TRPC6: variants seen among roughly 807,000 people sequenced by gnomAD.
TRPC6 encodes the protein short transient receptor potential channel 6.
A neutral mutation model predicts 90.7 loss-of-function variants in TRPC6; 55 were observed. The observed-to-expected ratio is 0.61, with a 90% CI of 0.49 to 0.76. The LOEUF (loss-of-function observed/expected upper bound fraction) is 0.76. Ranked by LOEUF, TRPC6 falls within the 30% of genes least tolerant of loss-of-function variation. TRPC6 has a pLI of 0.00. For missense variants in TRPC6, 989 were observed against 1,122.7 expected (o/e 0.88, Z 1.70); for synonymous variants, 393 against 393.0 (o/e 1.00, Z 0.00).
intron 1 of TRPC6, among the ~76,000 whole-genome samples, chr11:101,545,442 T>C (rs1379228331): frequency 2.0e-5 from 3 of 152,206 alleles, no homozygotes; most frequent in Admixed American, 2.0e-4. Context: ...CAATCCCCTA[T>C]GGATAGTAAG....
chr11:101,522,158 C>T (rs891167733), intron 1 of TRPC6, among the ~76,000 whole-genome samples: 3 of 152,182 alleles, frequency 2.0e-5, no homozygotes, highest in Admixed American at 6.5e-5. Flanking sequence ...TGTGTCTTCA[C>T]TCAAATCTCA....
chr11:101,540,678 G>A (rs1181789946), intron 1 of TRPC6, among the ~76,000 whole-genome samples: 6 of 152,136 alleles, frequency 3.9e-5, no homozygotes, highest in African/African-American at 1.4e-4. Context: ...TTTCATGTAA[G>A]GAGTCCAGTT....
intron 2 of TRPC6, among the ~76,000 whole-genome samples, chr11:101,502,436 A>G (rs1401732200): frequency 6.6e-6 from 1 of 152,206 alleles, no homozygotes; most frequent in African/African-American, 2.4e-5. Context: ...AAAAAAGAGC[A>G]GGGACTCCAA....
intron 10 of TRPC6, 133 bp downstream of exon 10, chr11:101,469,294 T>C: frequency 1.6e-6 from 1 of 643,020 alleles, no homozygotes; most frequent in South Asian, 1.7e-5. Context: ...ATTGTTGAGA[T>C]TTGTTAAAAT....
chr11:101,580,639 T>C (rs1171653937), intron 1 of TRPC6, among the ~76,000 whole-genome samples: 1 of 152,012 alleles, frequency 6.6e-6, no homozygotes. Context: ...CCCATAAATA[T>C]ATGTAAAAAA....
At chr11:101,538,132 A>ACT (rs1354112895) in intron 1 of TRPC6, among the ~76,000 whole-genome samples, 6 of 148,978 alleles carry the variant, frequency 4.0e-5, no homozygotes, top group Non-Finnish European at 9.0e-5. Flanking sequence ...TTTACTTAGC[A>ACT]CTCTCTAGTA....
At chr11:101,496,329 C>T (rs1278178330) in intron 2 of TRPC6, among the ~76,000 whole-genome samples, 1 of 152,268 alleles carries the variant, frequency 6.6e-6, no homozygotes, top group African/African-American at 2.4e-5. Context: ...AACCATGCTT[C>T]TTGGGACCAA....
intron 1 of TRPC6, among the ~76,000 whole-genome samples, chr11:101,536,920 G>C (rs937545313): frequency 6.6e-6 from 1 of 152,226 alleles, no homozygotes; most frequent in African/African-American, 2.4e-5. Context: ...CTCCAGGTGA[G>C]AGATGGCACC....
At chr11:101,470,810 C>G (rs1253745149) in intron 9 of TRPC6, among the ~76,000 whole-genome samples, 14 of 90,544 alleles carry the variant, frequency 1.5e-4, no homozygotes, top group South Asian at 5.1e-4. Flanking sequence ...TTGCCCCGCC[C>G]CCCCCCCCTC....
chr11:101,582,870 A>T (rs1228759906), intron 1 of TRPC6, among the ~76,000 whole-genome samples: 2 of 152,008 alleles, frequency 1.3e-5, no homozygotes, highest in African/African-American at 2.4e-5. Context: ...CGCCGGGCGC[A>T]CCCAGCACCC....
Position 101,504,035 on chromosome 11 carries a change from T to C in TRPC6, c.934A>G (p.Lys312Glu). The change falls in exon 2 of 13, where the codon AAA (lysine) becomes GAA (glutamate). Residue 312 changes from lysine (K) to glutamate (E), a missense_variant. Around this residue, in one of 4 missense-constraint regions of TRPC6, gnomAD observed 486 missense variants for 591.9 expected, o/e 0.82. Transcript: ENST00000344327. ...NELAVLANIEKEFKNDYKKLS... is the reference protein window; with the variant it reads ...NELAVLANIEEEFKNDYKKLS... Reference sequence around the variant, plus strand: ...TGTTAGTGACCTACCTTGAACTCTTTCTCAATATTGGCCAGAACTGCCAGT... The same window carrying C: ...TGTTAGTGACCTACCTTGAACTCTTCCTCAATATTGGCCAGAACTGCCAGT... The C allele has an allele frequency of 4.3e-6, 7 of 1,614,058 alleles. No individual in the cohort carries two copies. The highest frequency in any genetic ancestry group is 5.1e-6 in the Non-Finnish European group (6 of 1,179,960).
chr11:101,491,278 C>G (rs1270614892), intron 3 of TRPC6: 1 of 339,996 alleles, frequency 2.9e-6, no homozygotes, highest in Non-Finnish European at 5.7e-6. Flanking sequence ...ACTAAAAATA[C>G]AAAAAATTAG....
At chr11:101,464,680 T>C (rs1016004566) in intron 10 of TRPC6, among the ~76,000 whole-genome samples, 2 of 152,164 alleles carry the variant, frequency 1.3e-5, no homozygotes, top group African/African-American at 4.8e-5. Flanking sequence ...TGAGCCTATG[T>C]GTGTCTTTGC....
chr11:101,499,733 GTA>G (rs1324021037), intron 2 of TRPC6, among the ~76,000 whole-genome samples: 2 of 22,344 alleles, frequency 9.0e-5, no homozygotes, highest in African/African-American at 2.3e-4. Flanking sequence ...GTGTATATGT[GTA>G]TATATATATA....
chr11:101,498,474 T>C (rs537267398), intron 2 of TRPC6, among the ~76,000 whole-genome samples: 1 of 152,222 alleles, frequency 6.6e-6, no homozygotes, highest in Admixed American at 6.5e-5. Context: ...GAACCAGCTA[T>C]ACATGTGGTG....
chr11:101,514,649 T>A (rs994871735), intron 1 of TRPC6, among the ~76,000 whole-genome samples: 1 of 152,190 alleles, frequency 6.6e-6, no homozygotes, highest in African/African-American at 2.4e-5. Flanking sequence ...ATTCACAGTT[T>A]AGCACTTAGC....
chr11:101,551,860 A>T (rs907190412), intron 1 of TRPC6, among the ~76,000 whole-genome samples: 1 of 152,054 alleles, frequency 6.6e-6, no homozygotes, highest in Admixed American at 6.6e-5. Flanking sequence ...ATTACAAAAG[A>T]TTTAGGTTCT....
chr11:101,511,345 T>C (rs552045030), intron 1 of TRPC6, among the ~76,000 whole-genome samples: 1 of 152,252 alleles, frequency 6.6e-6, no homozygotes, highest in African/African-American at 2.4e-5. Context: ...AGAGCAATGA[T>C]GATTTTGCCT....
intron 1 of TRPC6, among the ~76,000 whole-genome samples, chr11:101,564,133 C>T (rs1429900616): frequency 6.6e-6 from 1 of 150,752 alleles, no homozygotes; most frequent in South Asian, 2.1e-4. Context: ...ATGGCATATG[C>T]TTTTGCATTG....
Sources: allele counts gnomAD v4.1 joint callset (sites outside exome capture counted in the v4.1 genomes callset), GRCh38; gene constraint gnomAD v4.1.1; regional missense constraint gnomAD v4.1.1; transcripts MANE v1.5; gene names NCBI Gene and HGNC (gene_info 2026-07-23, HGNC 2026-07-21).